Variants in PTPN7 observed in about 807,000 individuals in gnomAD.
PTPN7 encodes tyrosine-protein phosphatase non-receptor type 7.
Under a neutral mutation model 50.3 loss-of-function variants are expected in PTPN7, and 33 were observed. The ratio of observed to expected loss-of-function variants is 0.66; its 90% CI spans 0.50 to 0.88. The LOEUF is 0.88. Ranked by LOEUF, PTPN7 falls within the 40% of genes least tolerant of loss-of-function variation. The pLI, the probability that PTPN7 is intolerant of heterozygous loss-of-function variation, is 0.00. For missense variants in PTPN7, 412 were observed against 475.4 expected (o/e 0.87, Z 1.24); for synonymous variants, 185 against 186.6 (o/e 0.99, Z 0.07).
chr1:202,150,117 G>A, intron 9 of PTPN7, 194 bp downstream of exon 9: 2 of 524,952 alleles, frequency 3.8e-6, no homozygotes, highest in Admixed American at 3.0e-5. Context: ...ACAGGTGTGA[G>A]CCACCGCACC....
chr1:202,159,643 G>A lies in PTPN7; in HGVS notation c.-52-189C>T. Reference sequence around the variant, plus strand: ...GACCCAGGGCAGAAGGCAGTCTCGGGGTAGAGTAACGGCAAGATAAAGGGT... The same window carrying A: ...GACCCAGGGCAGAAGGCAGTCTCGGAGTAGAGTAACGGCAAGATAAAGGGT... On this transcript the variant is annotated intron_variant, in intron 1 of 9. Transcript: ENST00000691036. This position sits in a 1 kb window ranked among gnomAD's most constrained non-coding sequence, Gnocchi z 4.6. The A allele has an allele frequency of 6.9e-7, 1 of 1,458,230 alleles. No homozygotes were observed. The highest frequency in any genetic ancestry group is 1.5e-5 in the South Asian group (1 of 66,254). The allele number at this position is 1,458,230 out of a possible 1,614,324, so 90.3% of individuals were successfully genotyped here. A position where few individuals can be genotyped will look rare whatever the true frequency, so the allele number is the denominator to read the frequency against.
intron 4 of PTPN7, among the ~76,000 whole-genome samples, chr1:202,156,717 T>A (rs1235631736): frequency 6.6e-6 from 1 of 152,144 alleles, no homozygotes; most frequent in Non-Finnish European, 1.5e-5. Context: ...AGCACCTTGA[T>A]CCGCCCATGC....
intron 7 of PTPN7, 98 bp downstream of exon 7, chr1:202,153,627 G>T: frequency 2.1e-6 from 2 of 963,902 alleles, no homozygotes; most frequent in Non-Finnish European, 3.3e-6. Context: ...TGGTTTAGAA[G>T]AGCAAACCCT....
chr1:202,160,076 C>T lies in PTPN7; in HGVS notation c.-53+469G>A. 13 of 782,962 alleles carry T rather than the reference C, an allele frequency of 1.7e-5. No individual in the cohort carries two copies. Among genetic ancestry groups the T allele is most frequent in the Non-Finnish European group, 2.0e-5 (13 of 641,658 alleles). 48.5% of individuals were successfully genotyped at this position (782,962 alleles called of 1,614,324 possible). On this transcript the variant is annotated intron_variant, in intron 1 of 9. Transcript: ENST00000691036. The surrounding 1 kb of genome is among the most constrained non-coding windows in gnomAD (Gnocchi z 4.8). ...TCCCCCCGTCTCCCGCCTCTGTAAC[C>T]GTCACAGGAAATGGCCTCACCAAGC... is the stretch of plus-strand genomic sequence containing the variant.
intron 8 of PTPN7, among the ~76,000 whole-genome samples, chr1:202,150,750 C>A (rs1655915770): frequency 6.6e-6 from 1 of 152,170 alleles, no homozygotes; most frequent in South Asian, 2.1e-4. Flanking sequence ...CAGTTTCCCA[C>A]TTGTGGGTGT....
At chr1:202,157,978 C>T in intron 3 of PTPN7, 140 bp downstream of exon 3, 1 of 1,268,140 alleles carries the variant, frequency 7.9e-7, no homozygotes, top group South Asian at 1.5e-5. Context: ...CTGGGGGCAG[C>T]CCCTCCCTCA....
At chr1:202,157,607 C>T in intron 4 of PTPN7, 132 bp downstream of exon 4, 1 of 767,974 alleles carries the variant, frequency 1.3e-6, no homozygotes. Flanking sequence ...CCTTCTTCCC[C>T]CTTTCTCTGC....
rs757591326 is a variant in PTPN7, at chr1:202,155,576, T to C, written c.425A>G (p.Gln142Arg). 1.9e-6 allele frequency: 3 copies of C among 1,574,880 alleles called. No homozygotes were observed. The South Asian group carries it at 3.3e-5, about 17-fold the overall frequency. ...PQSRVCLGRA[Q>R]SQEDGDYINA... ...GATGTAATCTCCGTCCTCCTGGCTC[T>C]GTGCCCGGCCTAGACAGACACGGCT... Residue 142 changes from glutamine (Q) to arginine (R), a missense_variant, in exon 5 of 10, where the codon CAG becomes CGG. By Grantham distance (43) the Gln-to-Arg change is conservative. Transcript: ENST00000691036.
At chr1:202,157,486 G>A (rs1043872870) in intron 4 of PTPN7, among the ~76,000 whole-genome samples, 2 of 151,722 alleles carry the variant, frequency 1.3e-5, no homozygotes, top group African/African-American at 2.4e-5. Context: ...TCCAGCCTGG[G>A]TGACGAGAGT....
Position 202,160,058 on chromosome 1 carries a change from G to A in PTPN7, c.-53+487C>T, listed in dbSNP as rs115050483. On this transcript the variant is annotated intron_variant, in intron 1 of 9. Transcript: ENST00000691036. This position sits in a 1 kb window ranked among gnomAD's most constrained non-coding sequence, Gnocchi z 4.8. Reference sequence around the variant, plus strand: ...CCTTCCTCCTCCTGCCCATCCCCCCGTCTCCCGCCTCTGTAACCGTCACAG... The same window carrying A: ...CCTTCCTCCTCCTGCCCATCCCCCCATCTCCCGCCTCTGTAACCGTCACAG... The A allele has an allele frequency of 0.055, 47,733 of 867,674 alleles. 1,395 individuals carry two copies. The highest frequency in any genetic ancestry group is 0.079 in the South Asian group (1,586 of 19,954). The allele number at this position is 867,674 out of a possible 1,614,324, so 53.7% of individuals were successfully genotyped here.
chr1:202,159,584 T>G lies in PTPN7; in HGVS notation c.-52-130A>C. On this transcript the variant is annotated intron_variant, in intron 1 of 9. Coordinates refer to ENST00000691036, the MANE Select transcript of PTPN7 (RefSeq NM_002832.4). The surrounding 1 kb of genome is among the most constrained non-coding windows in gnomAD (Gnocchi z 4.6). ...TCTGTTCCCCAAGAGGTGGCCTCATTTTCACTAAGGGAAGGACAGGATCTA... is the reference window on the plus strand; with the variant it reads ...TCTGTTCCCCAAGAGGTGGCCTCATGTTCACTAAGGGAAGGACAGGATCTA... 6.7e-7 allele frequency: 1 copy of G among 1,489,624 alleles called. No homozygotes were observed. Among genetic ancestry groups the G allele is most frequent in the Non-Finnish European group, 8.9e-7 (1 of 1,123,672 alleles). 92.3% of individuals were successfully genotyped at this position (1,489,624 alleles called of 1,614,324 possible). A position where few individuals can be genotyped will look rare whatever the true frequency, so the allele number is the denominator to read the frequency against.
At position 202,160,228 on chromosome 1, in the gene PTPN7, C is replaced by G. The variant is rs1156874773; in HGVS notation, c.-53+317G>C. On this transcript the variant is annotated intron_variant, in intron 1 of 9. Transcript: ENST00000691036. This position sits in a 1 kb window ranked among gnomAD's most constrained non-coding sequence, Gnocchi z 4.8. ...GCCAGGGTCACAGTGGGCGAGGTGG[C>G]GGGGGTGTTGAATCACCAAGGCAGC... Among the ~76,000 whole-genome samples, 1 of 151,800 alleles carries G rather than the reference C, an allele frequency of 6.6e-6. No homozygotes were observed. The highest frequency in any genetic ancestry group is 6.6e-5 in the Admixed American group (1 of 15,234).
In PTPN7 at chr1:202,153,843, G is replaced by C. The variant is rs370026742; in HGVS notation, c.607-8C>G. ...CCAGTAGTGGACACATTTCTAGGAG[G>C]GAGGGAGCTGGGAGTCAGAAGAGGG... On this transcript the variant is annotated splice_region_variant and splice_polypyrimidine_tract_variant and intron_variant, in intron 6 of 9. Coordinates refer to ENST00000691036, the MANE Select transcript of PTPN7 (RefSeq NM_002832.4). 426 of 1,608,046 alleles carry C rather than the reference G, an allele frequency of 2.6e-4. 1 individual carries two copies. The highest frequency in any genetic ancestry group is 3.3e-4 in the Non-Finnish European group (387 of 1,174,640).
chr1:202,147,602 G>A lies in PTPN7; in HGVS notation c.*1004C>T, dbSNP rs1655467834. 1 of 152,230 alleles carries A rather than the reference G, an allele frequency of 6.6e-6. No individual in the cohort carries two copies. The highest frequency in any genetic ancestry group is 2.4e-5 in the African/African-American group (1 of 41,436). The allele number at this position is 152,230 out of a possible 1,614,324, so 9.4% of individuals were successfully genotyped here. On this transcript the variant is annotated 3_prime_UTR_variant, in exon 10 of 10. Coordinates refer to ENST00000691036, the MANE Select transcript of PTPN7 (RefSeq NM_002832.4). ...TGGAAATTGTGTTGATGCTGAGATG[G>A]ATGAGGGGTGCTCATTCTCTCAGGT...
At chr1:202,149,321 T>G (rs1655669921) in intron 9 of PTPN7, among the ~76,000 whole-genome samples, 1 of 152,188 alleles carries the variant, frequency 6.6e-6, no homozygotes, top group Non-Finnish European at 1.5e-5. Context: ...TCTGAAGCCT[T>G]GGGTCGGGCC....
rs1395242846 is a variant in PTPN7, at chr1:202,148,774, C to G, written c.990-75G>C. 3 of 1,276,388 alleles carry G rather than the reference C, an allele frequency of 2.4e-6. No homozygotes were observed. The East Asian group carries it at 7.5e-5, about 32-fold the overall frequency. 79.1% of individuals were successfully genotyped at this position (1,276,388 alleles called of 1,614,324 possible). A position where few individuals can be genotyped will look rare whatever the true frequency, so the allele number is the denominator to read the frequency against. On this transcript the variant is annotated intron_variant, in intron 9 of 9. Coordinates refer to ENST00000691036, the MANE Select transcript of PTPN7 (RefSeq NM_002832.4). Reference sequence around the variant, plus strand: ...GCTGAATGGCTCCAGTCAAACATCCCTGTGGTCCTACTGGGAAAGTCCTGA... The same window carrying G: ...GCTGAATGGCTCCAGTCAAACATCCGTGTGGTCCTACTGGGAAAGTCCTGA...
At chr1:202,157,407 G>T (rs192498200) in intron 4 of PTPN7, among the ~76,000 whole-genome samples, 109 of 152,220 alleles carry the variant, frequency 7.2e-4, no homozygotes, top group African/African-American at 2.6e-3. Context: ...TACTCGGGAG[G>T]CTGAGGCAGG....
chr1:202,152,747 T>G (rs1656178042), intron 7 of PTPN7, 48 bp from the exon 8 acceptor site: 1 of 1,591,770 alleles, frequency 6.3e-7, no homozygotes, highest in African/African-American at 1.3e-5. Flanking sequence ...TGGAGGGCAC[T>G]GTCTACCTTC....
Position 202,159,147 on chromosome 1 carries a change from C to G in PTPN7, c.122+134G>C, listed in dbSNP as rs960393072. ...ACATGCAAATGAGCACTACTGGTTT[C>G]CTTTCCAAATTGGAGTCAACAACTG... On this transcript the variant is annotated intron_variant, in intron 2 of 9. Coordinates refer to ENST00000691036, the MANE Select transcript of PTPN7 (RefSeq NM_002832.4). The surrounding 1 kb of genome is among the most constrained non-coding windows in gnomAD (Gnocchi z 4.6). 2 of 814,314 alleles carry G rather than the reference C, an allele frequency of 2.5e-6. No homozygotes were observed. Among genetic ancestry groups the G allele is most frequent in the Admixed American group, 2.4e-5 (1 of 41,694 alleles). 50.4% of individuals were successfully genotyped at this position (814,314 alleles called of 1,614,324 possible).
Sources: gnomAD v4.1 joint callset for allele counts (sites outside exome capture counted in the v4.1 genomes callset) on GRCh38, gnomAD v4.1.1 for gene constraint, Gnocchi (gnomAD v3.1) non-coding constraint, MANE v1.5 for transcripts, NCBI Gene and HGNC (gene_info 2026-07-23, HGNC 2026-07-21) for gene names.